Variants in NSUN7 observed in about 807,000 individuals in gnomAD.
NSUN7 encodes protein NSUN7.
In NSUN7, 39 loss-of-function variants were observed where a neutral mutation model predicts 58.5. The ratio of observed to expected loss-of-function variants is 0.67; its 90% CI spans 0.52 to 0.87. The LOEUF (loss-of-function observed/expected upper bound fraction) is 0.87. NSUN7 is among the 40% of genes least tolerant of loss of function. The pLI, the probability that NSUN7 is intolerant of heterozygous loss-of-function variation, is 0.00. For missense variants in NSUN7, 765 were observed against 844.1 expected (o/e 0.91, Z 1.16); for synonymous variants, 278 against 303.7 (o/e 0.92, Z 0.88).
chr4:40,799,387 C>T lies in NSUN7; in HGVS notation c.1400+483C>T, dbSNP rs936781096. Among the ~76,000 whole-genome samples, 7 of 151,352 alleles carry T rather than the reference C, an allele frequency of 4.6e-5. 1 individual carries two copies. The highest frequency in any genetic ancestry group is 4.2e-4 in the South Asian group (2 of 4,808). On this transcript the variant is annotated intron_variant, in intron 10 of 11. Transcript: ENST00000381782. ...AAGAAATGATATGGCTGGCCTGGTG[C>T]GGTGGCTCACACCTGTAATCCCAGC...
intron 10 of NSUN7, among the ~76,000 whole-genome samples, 173 bp downstream of exon 10, chr4:40,799,077 T>TTGTTTG (rs1553919786): frequency 1.6e-5 from 2 of 128,990 alleles, no homozygotes; most frequent in African/African-American, 6.1e-5. Flanking sequence ...CTTTTTCTTT[T>TTGTTTG]TTTTTTTTTT....
intron 7 of NSUN7, among the ~76,000 whole-genome samples, chr4:40,777,645 A>G (rs1742336289): frequency 1.3e-5 from 2 of 152,222 alleles, no homozygotes; most frequent in African/African-American, 2.4e-5. Flanking sequence ...CTAATGCAAT[A>G]TCTACCACTC....
At chr4:40,787,875 A>T (rs1742905249) in intron 7 of NSUN7, among the ~76,000 whole-genome samples, 1 of 152,180 alleles carries the variant, frequency 6.6e-6, no homozygotes, top group South Asian at 2.1e-4. Context: ...TCTGTCGCCC[A>T]GACGACTAGA....
At position 40,750,923 on chromosome 4, in the gene NSUN7, C is replaced by G. The variant is rs769733094; in HGVS notation, c.230C>G (p.Ser77Cys). Residue 77 changes from serine (S) to cysteine (C), a missense_variant, in exon 2 of 12, where the codon TCC (serine) becomes TGC (cysteine). Coordinates refer to ENST00000381782, the MANE Select transcript of NSUN7 (RefSeq NM_024677.6). The stretch of plus-strand genomic sequence containing the variant: ...AAGTATGGGAATGAACCCCTGCGGT[C>G]CTTGTCCGAGTCTGAGGATCAGTCC... The part of the protein sequence containing the change: ...LIKYGNEPLR[S>C]LSESEDQSFQ... The G allele has an allele frequency of 2.1e-5, 34 of 1,614,066 alleles. 1 individual carries two copies. The South Asian group carries it at 3.6e-4, about 17-fold the overall frequency.
chr4:40,760,554 A>T (rs939290432), intron 3 of NSUN7, 62 bp downstream of exon 3: 1 of 1,355,568 alleles, frequency 7.4e-7, no homozygotes. Context: ...GAAAGTGTTT[A>T]AAAGCCTTTA....
intron 2 of NSUN7, among the ~76,000 whole-genome samples, chr4:40,752,566 G>A (rs922412702): frequency 6.6e-6 from 1 of 151,950 alleles, no homozygotes. Context: ...GACTACAGGC[G>A]CACGCCACCA....
At position 40,807,197 on chromosome 4, in the gene NSUN7, A is replaced by C. The variant is rs1489843397; in HGVS notation, c.1524+13A>C. ...TTTAACAAGGGAGGTAAGGAAAAAA[A>C]ATCCTAATCCATGTCATACTTTGGA... is the stretch of plus-strand genomic sequence containing the variant. On this transcript the variant is annotated intron_variant, in intron 11 of 11. Coordinates refer to ENST00000381782, the MANE Select transcript of NSUN7 (RefSeq NM_024677.6). 1 of 1,544,790 alleles carries C rather than the reference A, an allele frequency of 6.5e-7. No individual in the cohort carries two copies. The highest frequency in any genetic ancestry group is 2.0e-5 in the Admixed American group (1 of 48,806).
At chr4:40,806,549 T>C (rs1157827194) in intron 10 of NSUN7, among the ~76,000 whole-genome samples, 1 of 152,206 alleles carries the variant, frequency 6.6e-6, no homozygotes, top group Non-Finnish European at 1.5e-5. Context: ...TCTTGAACAC[T>C]ATGTAACTCA....
rs763768885 is a variant in NSUN7 at position 40,756,465 on chromosome 4, C to T, written c.299-3969C>T. Among the ~76,000 whole-genome samples, 13 of 152,286 alleles carry T rather than the reference C, an allele frequency of 8.5e-5. 1 individual carries two copies. Among genetic ancestry groups the T allele is most frequent in the East Asian group, 5.8e-4 (3 of 5,184 alleles). ...ATTGGGCTGAATTCTATAATAGGCACGCTTTGCAACTTTCAAGTAAGTCCT... is the reference window on the plus strand; with the variant it reads ...ATTGGGCTGAATTCTATAATAGGCATGCTTTGCAACTTTCAAGTAAGTCCT... On this transcript the variant is annotated intron_variant, in intron 2 of 11. Transcript: ENST00000381782.
intron 8 of NSUN7, 45 bp from the exon 9 acceptor site, chr4:40,794,330 T>C (rs1172459597): frequency 8.9e-7 from 1 of 1,119,242 alleles, no homozygotes; most frequent in Non-Finnish European, 1.3e-6. Context: ...ATGTAAAAAG[T>C]TTTTAATGGT....
intron 2 of NSUN7, among the ~76,000 whole-genome samples, chr4:40,754,319 G>A (rs536227323): frequency 7.4e-4 from 112 of 151,968 alleles, no homozygotes; most frequent in Admixed American, 2.4e-3. Flanking sequence ...GCTAATTTTT[G>A]TATTTTTAGT....
At chr4:40,763,733 C>G (rs1438183948) in intron 4 of NSUN7, among the ~76,000 whole-genome samples, 2 of 152,166 alleles carry the variant, frequency 1.3e-5, no homozygotes. Flanking sequence ...CCCAGATTTT[C>G]CCTATTCCCA....
In NSUN7 at chr4:40,757,747, CACAT is replaced by C. The variant is rs1378927889; in HGVS notation, c.299-2679_299-2676del. 6.5e-3 allele frequency among the ~76,000 whole-genome samples: 771 copies of C among 117,836 alleles called. 8 individuals are homozygous for C. The highest frequency in any genetic ancestry group is 0.018 in the African/African-American group (566 of 30,654). 77.3% of individuals were successfully genotyped at this position (117,836 alleles called of 152,430 possible). On this transcript the variant is annotated intron_variant, in intron 2 of 11. Transcript: ENST00000381782. The stretch of plus-strand genomic sequence containing the variant: ...ATATACACACACACACACACACACA[CACAT>C]ACATACACAAAAGTAATGCATTCTG...
chr4:40,759,059 C>T (rs1473719918), intron 2 of NSUN7, among the ~76,000 whole-genome samples: 1 of 152,160 alleles, frequency 6.6e-6, no homozygotes, highest in Non-Finnish European at 1.5e-5. Context: ...CCTCTAATCC[C>T]AGCACTTTGG....
In NSUN7 at chr4:40,761,226, A is replaced by T. The variant is rs373843912; in HGVS notation, c.413A>T (p.Lys138Ile). The T allele has an allele frequency of 3.3e-5, 53 of 1,585,300 alleles. No homozygotes were observed. The East Asian group carries it at 4.4e-4, about 13-fold the overall frequency. The stretch of plus-strand genomic sequence containing the variant: ...ATGCTATATGATTTCCAAGATAGAA[A>T]ATTTCAAACTCGTGTCCTTTCTGAT... ...IVMLYDFQDR[K>I]FQTRVLSDNE... The change falls in exon 4 of 12, where the codon AAA (lysine) becomes ATA (isoleucine). Residue 138 changes from lysine to isoleucine, a missense_variant. Coordinates refer to ENST00000381782, the MANE Select transcript of NSUN7 (RefSeq NM_024677.6).
chr4:40,796,994 G>A (rs1398768940), intron 9 of NSUN7, among the ~76,000 whole-genome samples: 2 of 152,154 alleles, frequency 1.3e-5, no homozygotes, highest in Non-Finnish European at 2.9e-5. Flanking sequence ...AAACGGTCCT[G>A]TGAAGATCGC....
chr4:40,786,113 T>C, intron 7 of NSUN7: 1 of 1,557,052 alleles, frequency 6.4e-7, no homozygotes, highest in South Asian at 1.2e-5. Context: ...CACCTGGAAA[T>C]GGGGAATGGG....
chr4:40,779,400 G>A (rs961185517), intron 7 of NSUN7, among the ~76,000 whole-genome samples: 1 of 152,094 alleles, frequency 6.6e-6, no homozygotes, highest in Non-Finnish European at 1.5e-5. Context: ...TCAGGAGATC[G>A]AGACCATCCT....
chr4:40,762,716 G>A (rs1234760886), intron 4 of NSUN7: 2 of 152,216 alleles, frequency 1.3e-5, no homozygotes, highest in Non-Finnish European at 1.5e-5. Flanking sequence ...GAGGTGAGCA[G>A]CAGGTGAATG....
Sources: allele counts gnomAD v4.1 joint callset (sites outside exome capture counted in the v4.1 genomes callset), GRCh38; gene constraint gnomAD v4.1.1; transcripts MANE v1.5; gene names NCBI Gene and HGNC (gene_info 2026-07-23, HGNC 2026-07-21).